Variants in RCC1 observed in about 807,000 individuals in gnomAD.
RCC1 encodes regulator of chromosome condensation.
In RCC1, 11 loss-of-function variants were observed where a neutral mutation model predicts 44.4. The observed-to-expected ratio is 0.25, with a 90% CI of 0.16 to 0.41. The LOEUF (loss-of-function observed/expected upper bound fraction) is 0.41, where lower values mean the gene tolerates loss of function less well. RCC1 is among the 10% of genes least tolerant of loss of function. The pLI, the probability that RCC1 is intolerant of heterozygous loss-of-function variation, is 1.00. For synonymous variants in RCC1, 213 were observed against 216.5 expected, an observed-to-expected ratio of 0.98 and a Z score of 0.14; for missense variants, 386 against 547.1, an observed-to-expected ratio of 0.71 and a Z score of 2.94.
At chr1:28,527,404 T>G (rs1663741430) in intron 4 of RCC1, among the ~76,000 whole-genome samples, 1 of 152,186 alleles carries the variant, frequency 6.6e-6, no homozygotes, top group Non-Finnish European at 1.5e-5. Context: ...CATGCCCGGC[T>G]AATTTTTGTA....
chr1:28,535,184 G>A, intron 8 of RCC1, 38 bp downstream of exon 8: 2 of 1,614,078 alleles, frequency 1.2e-6, no homozygotes, highest in Non-Finnish European at 1.7e-6. Context: ...AGGAGTTGGA[G>A]GACCTTGTTC....
intron 4 of RCC1, among the ~76,000 whole-genome samples, chr1:28,521,551 C>G (rs1210882252): frequency 6.6e-6 from 1 of 151,852 alleles, no homozygotes; most frequent in African/African-American, 2.4e-5. Context: ...CCCTGCCCTT[C>G]CCTGGCGATT....
chr1:28,526,457 A>G lies in RCC1; in HGVS notation c.-9-3401A>G, dbSNP rs1292934096. ...GTGCGATGTTTATGTGGCCCAAAGCACCATTCTTTCTTGGTGTATTTATCC... is the reference window on the plus strand; with the variant it reads ...GTGCGATGTTTATGTGGCCCAAAGCGCCATTCTTTCTTGGTGTATTTATCC... On this transcript the variant is annotated intron_variant, in intron 4 of 12. Coordinates refer to ENST00000683442, the MANE Select transcript of RCC1 (RefSeq NM_001381865.2). 4 of 528,252 alleles carry G rather than the reference A, an allele frequency of 7.6e-6. No individual in the cohort carries two copies. In the African/African-American group the frequency reaches 7.8e-5, roughly 10 times the overall value. The allele number at this position is 528,252 out of a possible 1,614,324, so 32.7% of individuals were successfully genotyped here.
rs1345672137 is a variant in RCC1, at chr1:28,516,775, G to A, written c.-102G>A. On this transcript the variant is annotated 5_prime_UTR_variant, in exon 4 of 13. Transcript: ENST00000683442. ...GGAAGACAGCAGAGAGAGAGAGAGA[G>A]ATCAGAGATCCCAGGGTTAAAAGTT... 3 of 455,154 alleles carry A rather than the reference G, an allele frequency of 6.6e-6. No homozygotes were observed. The Admixed American group carries it at 7.1e-5, about 11-fold the overall frequency. 28.2% of individuals were successfully genotyped at this position (455,154 alleles called of 1,614,324 possible).
intron 3 of RCC1, among the ~76,000 whole-genome samples, chr1:28,514,156 C>CAAA (rs1158044888): frequency 7.4e-6 from 1 of 134,926 alleles, no homozygotes. Flanking sequence ...GACTCCGTCT[C>CAAA]AAAAAAAAAA....
chr1:28,526,966 A>C (rs1478614349), intron 4 of RCC1: 2 of 866,754 alleles, frequency 2.3e-6, no homozygotes, highest in Non-Finnish European at 4.0e-6. Flanking sequence ...CCTCAAAGTC[A>C]TCAAGGCTTA....
intron 1 of RCC1, chr1:28,507,519 T>C: frequency 1.9e-6 from 1 of 518,600 alleles, no homozygotes; most frequent in Non-Finnish European, 3.8e-6. Context: ...TCCTACAGCT[T>C]CCCAGAGTCC....
intron 7 of RCC1, chr1:28,532,752 T>G (rs1255820134): frequency 6.4e-6 from 3 of 466,132 alleles, no homozygotes; most frequent in Non-Finnish European, 1.3e-5. Flanking sequence ...TCTCAGAGTT[T>G]CCAAGGTACA....
At chr1:28,507,330 A>G (rs539495089) in intron 1 of RCC1, 4 of 515,728 alleles carry the variant, frequency 7.8e-6, no homozygotes, top group African/African-American at 3.9e-5. Flanking sequence ...ATTGTTTCCT[A>G]TTGGATTCTG....
rs1168443435 is a variant in RCC1, at chr1:28,533,845, C to CTTTTTTTTTTT, written c.442-1165_442-1155dup. On this transcript the variant is annotated intron_variant, in intron 7 of 12. Coordinates refer to ENST00000683442, the MANE Select transcript of RCC1 (RefSeq NM_001381865.2). ...ATATTTTTTTCTTTTCTTTTCTTTTCTTTTTTTTTTTTTTTTTTTTTTTTT... is the reference window on the plus strand; with the variant it reads ...ATATTTTTTTCTTTTCTTTTCTTTTCTTTTTTTTTTTTTTTTTTTTTTTTTTTTTTTTTTTT... Among the ~76,000 whole-genome samples the CTTTTTTTTTTT allele has an allele frequency of 8.5e-4, 40 of 46,864 alleles. 4 individuals carry two copies. The highest frequency in any genetic ancestry group is 1.3e-3 in the Non-Finnish European group (35 of 26,874). The allele number at this position is 46,864 out of a possible 152,430, so 30.7% of individuals were successfully genotyped here. A position where few individuals can be genotyped will look rare whatever the true frequency, so the allele number is the denominator to read the frequency against.
At chr1:28,519,551 G>A (rs12031676) in intron 4 of RCC1, among the ~76,000 whole-genome samples, 1 of 151,912 alleles carries the variant, frequency 6.6e-6, no homozygotes, top group African/African-American at 2.4e-5. Context: ...AATGGTAGGG[G>A]GCATGTGGTG....
intron 3 of RCC1, among the ~76,000 whole-genome samples, chr1:28,513,308 C>T (rs2124611930): frequency 6.6e-6 from 1 of 152,214 alleles, no homozygotes; most frequent in African/African-American, 2.4e-5. Context: ...AATTTTCATG[C>T]CTCAGCCTCT....
intron 1 of RCC1, chr1:28,507,497 G>A (rs766682355): frequency 1.9e-6 from 1 of 518,906 alleles, no homozygotes; most frequent in Non-Finnish European, 3.8e-6. Flanking sequence ...CCTCGTGTCT[G>A]CGCCTGCATA....
chr1:28,526,309 A>G (rs1190693241), intron 4 of RCC1: 1 of 278,486 alleles, frequency 3.6e-6, no homozygotes, highest in Non-Finnish European at 7.1e-6. Context: ...AAACAAACAA[A>G]CAAAAACAAG....
intron 4 of RCC1, among the ~76,000 whole-genome samples, chr1:28,523,030 T>TC (rs1439941451): frequency 7.3e-6 from 1 of 136,334 alleles, no homozygotes; most frequent in Non-Finnish European, 1.6e-5. Context: ...GAAATTTCTT[T>TC]TTTTTTTTTT....
At chr1:28,507,865 CA>C in intron 1 of RCC1, 1 of 302,762 alleles carries the variant, frequency 3.3e-6, no homozygotes, top group South Asian at 2.8e-5. Flanking sequence ...TCTGGCCTCC[CA>C]AAATGTTGGG....
chr1:28,511,810 G>A (rs570526677), intron 3 of RCC1, among the ~76,000 whole-genome samples: 16 of 151,634 alleles, frequency 1.1e-4, no homozygotes, highest in African/African-American at 2.4e-4. Context: ...ACAGGCGCAC[G>A]CCACCATGCC....
chr1:28,512,560 A>C (rs1662629467), intron 3 of RCC1, among the ~76,000 whole-genome samples: 1 of 151,982 alleles, frequency 6.6e-6, no homozygotes, highest in Non-Finnish European at 1.5e-5. Flanking sequence ...TTGCTCATCT[A>C]TTCCTAGTTT....
chr1:28,537,012 A>C, intron 12 of RCC1, 113 bp downstream of exon 12: 1 of 1,183,270 alleles, frequency 8.5e-7, no homozygotes, highest in Non-Finnish European at 1.2e-6. Flanking sequence ...TACAGAGAGC[A>C]GTGTTTGTGA....
Sources: gnomAD v4.1 joint callset for allele counts (sites outside exome capture counted in the v4.1 genomes callset) on GRCh38, gnomAD v4.1.1 for gene constraint, MANE v1.5 for transcripts, NCBI Gene and HGNC (gene_info 2026-07-23, HGNC 2026-07-21) for gene names.